The following PPFIBP2 variants were observed in gnomAD, a reference collection of about 807,000 sequenced individuals.
PPFIBP2 encodes the protein PPFIB scaffold protein 2.
In PPFIBP2, 118 loss-of-function variants were observed where a neutral mutation model predicts 118.3. The observed-to-expected ratio is 1.00, with a 90% CI of 0.86 to 1.16. The LOEUF (loss-of-function observed/expected upper bound fraction) is 1.16, where lower values mean the gene tolerates loss of function less well. Among genes scored for constraint, PPFIBP2 ranks in the 50% most tolerant of loss-of-function variants. The pLI, the probability that PPFIBP2 is intolerant of heterozygous loss-of-function variation, is 0.00. For synonymous variants in PPFIBP2, 414 were observed against 397.4 expected, an observed-to-expected ratio of 1.04 and a Z score of -0.50; for missense variants, 1,195 against 1,073.1, an observed-to-expected ratio of 1.11 and a Z score of -1.59.
the PPFIBP2 span, chr11:7,665,462 AC>A: frequency 6.2e-7 from 1 of 1,613,904 alleles, no homozygotes; most frequent in Non-Finnish European, 8.5e-7. Context: ...CGGGCCACAC[AC>A]CAGGATGAGC....
the PPFIBP2 span, chr11:7,666,482 G>A: frequency 1.2e-6 from 2 of 1,613,240 alleles, no homozygotes; most frequent in South Asian, 1.1e-5. Flanking sequence ...TGTACCACAG[G>A]TTGAACTGGT....
chr11:7,522,101 G>A (rs989100434), intron 1 of PPFIBP2, among the ~76,000 whole-genome samples: 1 of 152,216 alleles, frequency 6.6e-6, no homozygotes, highest in Non-Finnish European at 1.5e-5. Flanking sequence ...GAGGGACAGG[G>A]AGGAACTTCT....
At chr11:7,597,747 C>T (rs1860627914) in intron 5 of PPFIBP2, 74 bp downstream of exon 5, 2 of 1,201,672 alleles carry the variant, frequency 1.7e-6, no homozygotes, top group Non-Finnish European at 2.4e-6. Context: ...TGTGCCCAGG[C>T]TACAGCCCTC....
At chr11:7,588,854 A>G (rs1248581010) in intron 3 of PPFIBP2, among the ~76,000 whole-genome samples, 1 of 152,160 alleles carries the variant, frequency 6.6e-6, no homozygotes, top group African/African-American at 2.4e-5. Context: ...CAGTTCCGTG[A>G]TATAGGAGAG....
At chr11:7,516,866 C>A (rs1352309516) in intron 1 of PPFIBP2, among the ~76,000 whole-genome samples, 1 of 152,132 alleles carries the variant, frequency 6.6e-6, no homozygotes, top group Non-Finnish European at 1.5e-5. Flanking sequence ...GGAGGAGTTA[C>A]TCATCTCTTC....
At chr11:7,597,780 CTGGG>C in intron 5 of PPFIBP2, 107 bp downstream of exon 5, 2 of 947,088 alleles carry the variant, frequency 2.1e-6, no homozygotes, top group Non-Finnish European at 3.3e-6. Context: ...CCCATCCTGC[CTGGG>C]GGCGGGATTG....
At chr11:7,587,708 C>T (rs552771412) in intron 3 of PPFIBP2, among the ~76,000 whole-genome samples, 2 of 152,318 alleles carry the variant, frequency 1.3e-5, no homozygotes, top group South Asian at 4.1e-4. Flanking sequence ...CCACTGACAA[C>T]CTCAGAACTG....
At chr11:7,643,218 A>G (rs141810573) in intron 17 of PPFIBP2, among the ~76,000 whole-genome samples, 155 of 152,292 alleles carry the variant, frequency 1.0e-3, no homozygotes, top group Middle Eastern at 3.4e-3. Flanking sequence ...CAATGTAGAC[A>G]TTACTGTTGT....
At chr11:7,617,854 T>C (rs1255607252) in intron 6 of PPFIBP2, among the ~76,000 whole-genome samples, 1 of 152,182 alleles carries the variant, frequency 6.6e-6, no homozygotes, top group Non-Finnish European at 1.5e-5. Flanking sequence ...ATCAGGGTGA[T>C]TTTATAACAA....
chr11:7,637,221 C>T (rs545783444), intron 14 of PPFIBP2, among the ~76,000 whole-genome samples: 20 of 152,286 alleles, frequency 1.3e-4, no homozygotes, highest in African/African-American at 1.7e-4. Flanking sequence ...TTAGGCTCAG[C>T]GCTAGTTTCT....
intron 7 of PPFIBP2, 70 bp downstream of exon 7, chr11:7,621,097 G>A: frequency 4.0e-6 from 5 of 1,265,154 alleles, no homozygotes; most frequent in Non-Finnish European, 5.8e-6. Context: ...ATTCCAACTT[G>A]GGGGTTTCCA....
intron 1 of PPFIBP2, among the ~76,000 whole-genome samples, chr11:7,536,711 C>A (rs61890188): frequency 0.035 from 5,256 of 152,142 alleles, 133 homozygotes; most frequent in Non-Finnish European, 0.056. Context: ...TGTTGTGTAG[C>A]ATCCCGGGAG....
In PPFIBP2 at chr11:7,649,534, C is replaced by A; in HGVS notation, c.2001C>A (p.Asn667Lys). 1 of 1,614,090 alleles carries A rather than the reference C, an allele frequency of 6.2e-7. No homozygotes were observed. Among genetic ancestry groups the A allele is most frequent in the Non-Finnish European group, 8.5e-7 (1 of 1,180,010 alleles). The part of the protein sequence containing the change: ...DRRMLQYLTV[N>K]DLLFLKVTSQ... ...TAAACCAAACTTTCCTCTTTCAGAA[C>A]GATTTACTCTTCTTAAAAGTCACCA... Residue 667 changes from asparagine to lysine, a missense_variant and splice_region_variant, in exon 21 of 24, where the codon AAC becomes AAA. Asn to Lys is a moderately conservative substitution (Grantham distance 94). Transcript: ENST00000299492.
At chr11:7,551,098 A>G (rs1214370037) in intron 2 of PPFIBP2, among the ~76,000 whole-genome samples, 1 of 152,118 alleles carries the variant, frequency 6.6e-6, no homozygotes, top group Non-Finnish European at 1.5e-5. Context: ...TCTGGAATAC[A>G]GATGTCCTGT....
intron 5 of PPFIBP2, chr11:7,605,671 A>C: frequency 7.8e-7 from 1 of 1,283,374 alleles, no homozygotes; most frequent in Non-Finnish European, 9.9e-7. Context: ...TGATAAGGAG[A>C]ACAATGTTGC....
intron 17 of PPFIBP2, among the ~76,000 whole-genome samples, chr11:7,645,255 A>G (rs1235448424): frequency 6.6e-6 from 1 of 152,002 alleles, no homozygotes; most frequent in Non-Finnish European, 1.5e-5. Context: ...GTTTGCAGTC[A>G]CTGCATGTTT....
intron 2 of PPFIBP2, among the ~76,000 whole-genome samples, chr11:7,562,090 A>G (rs1423170182): frequency 6.6e-6 from 1 of 152,228 alleles, no homozygotes; most frequent in Non-Finnish European, 1.5e-5. Context: ...AATAGGGTTC[A>G]CACACCTATG....
At position 7,624,625 on chromosome 11, in the gene PPFIBP2, A is replaced by T. The variant is rs902518027; in HGVS notation, c.712-1152A>T. Among the ~76,000 whole-genome samples the T allele has an allele frequency of 3.9e-5, 6 of 152,170 alleles. No individual in the cohort carries two copies. In the East Asian group the frequency reaches 1.2e-3, roughly 29 times the overall value. On this transcript the variant is annotated intron_variant, in intron 7 of 23. Transcript: ENST00000299492. Reference sequence around the variant, plus strand: ...GAGAAGCCTTTGCTGTCTTTTATTGACCGGCTCCACGGTCGATGCTCATCC... The same window carrying T: ...GAGAAGCCTTTGCTGTCTTTTATTGTCCGGCTCCACGGTCGATGCTCATCC...
chr11:7,628,130 G>A (rs925112721), intron 8 of PPFIBP2, among the ~76,000 whole-genome samples, 155 bp from the exon 9 acceptor site: 4 of 152,174 alleles, frequency 2.6e-5, no homozygotes, highest in Admixed American at 2.0e-4. Context: ...TAAGGAGGCC[G>A]ATTCTGTAGC....
Sources: allele counts gnomAD v4.1 joint callset (sites outside exome capture counted in the v4.1 genomes callset), GRCh38; gene constraint gnomAD v4.1.1; transcripts MANE v1.5; gene names NCBI Gene and HGNC (gene_info 2026-07-23, HGNC 2026-07-21).